Variants in CFAP52 observed in about 807,000 individuals in gnomAD.
CFAP52 encodes cilia and flagella associated protein 52, also known as cilia- and flagella-associated protein 52.
In CFAP52, 57 loss-of-function variants were observed where a neutral mutation model predicts 70.5. The observed-to-expected ratio is 0.81, with a 90% confidence interval of 0.65 to 1.01. The LOEUF (loss-of-function observed/expected upper bound fraction) is 1.01, where lower values mean the gene tolerates loss of function less well. Among genes scored for constraint, CFAP52 ranks in the 50% least tolerant of loss-of-function variants. The probability of loss-of-function intolerance (pLI) is 0.00; values close to 1 mark genes in which losing one functional copy is unlikely to be tolerated. For missense variants in CFAP52, 785 were observed against 788.5 expected, an observed-to-expected ratio of 1.00 and a Z score of 0.05; for synonymous variants, 267 against 292.5, an observed-to-expected ratio of 0.91 and a Z score of 0.89.
chr17:9,644,498 T>TCTTC (rs1264385674), downstream of CFAP52, among the ~76,000 whole-genome samples: 1 of 151,992 alleles, frequency 6.6e-6, no homozygotes, highest in African/African-American at 2.4e-5. Flanking sequence ...GGTGCTGATC[T>TCTTC]CTTCCTGAGC....
chr17:9,578,865 G>A (rs531440318), intron 1 of CFAP52, among the ~76,000 whole-genome samples: 1 of 152,138 alleles, frequency 6.6e-6, no homozygotes, highest in Non-Finnish European at 1.5e-5. Context: ...AGGGGTGCAT[G>A]GCCTTAGGTC....
rs780399162 is a variant in CFAP52 at position 9,585,890 on chromosome 17, A to AAGC, written c.188_189insAGC (p.His63delinsGlnAla). 620 of 1,613,772 alleles carry AAGC rather than the reference A, an allele frequency of 3.8e-4. 1 individual carries two copies. Among genetic ancestry groups the AAGC allele is most frequent in the Non-Finnish European group, 4.0e-4 (473 of 1,179,932 alleles). On this transcript the variant is annotated protein_altering_variant, in exon 2 of 14. Coordinates refer to ENST00000352665, the MANE Select transcript of CFAP52 (RefSeq NM_145054.5). The stretch of plus-strand genomic sequence containing the variant: ...AAAGAGCAGAACTTCCTACAGGGTC[A>AAGC]TGGCAACAACGTCTCCTGCTTGGCC...
Position 9,635,506 on chromosome 17 carries a change from G to C in CFAP52, c.1422G>C (p.Glu474Asp), listed in dbSNP as rs1383529817. 4 of 1,614,078 alleles carry C rather than the reference G, an allele frequency of 2.5e-6. No homozygotes were observed. The highest frequency in any genetic ancestry group is 3.4e-6 in the Non-Finnish European group (4 of 1,180,044). ...VSCIRVKRNN[E>D]ECVTASTDGT... The stretch of plus-strand genomic sequence containing the variant: ...GCATTAGGGTGAAGAGGAACAACGA[G>C]GAGTGTGTCACCGCCAGCACCGATG... Residue 474 changes from glutamate (E) to aspartate (D), a missense_variant, in exon 11 of 14, where the codon GAG becomes GAC. Physicochemically the swap from Glu to Asp is conservative, Grantham distance 45. Coordinates refer to ENST00000352665, the MANE Select transcript of CFAP52 (RefSeq NM_145054.5).
rs770267271 is a variant in CFAP52, at chr17:9,643,146, G to C, written c.1811G>C (p.Ser604Thr). Residue 604 changes from serine (S) to threonine (T), a missense_variant, in exon 14 of 14, where the codon AGT becomes ACT. Ser to Thr is a moderately conservative substitution (Grantham distance 58). Coordinates refer to ENST00000352665, the MANE Select transcript of CFAP52 (RefSeq NM_145054.5). ...RISPGNQYIV[S>T]VSADGAILRW... The stretch of plus-strand genomic sequence containing the variant: ...AGTCCAGGAAATCAATATATTGTTA[G>C]TGTAAGTGCCGATGGAGCCATTTTG... The C allele has an allele frequency of 6.2e-7, 1 of 1,613,292 alleles. No homozygotes were observed. The highest frequency in any genetic ancestry group is 8.5e-7 in the Non-Finnish European group (1 of 1,179,732).
intron 1 of CFAP52, among the ~76,000 whole-genome samples, chr17:9,582,381 T>A (rs1908264199): frequency 6.6e-6 from 1 of 152,236 alleles, no homozygotes; most frequent in South Asian, 2.1e-4. Context: ...ATTTCGGACA[T>A]AATTTACATT....
At chr17:9,596,055 G>GTGTGTGTGTGTA (rs1567623893) in intron 4 of CFAP52, among the ~76,000 whole-genome samples, 13 of 90,458 alleles carry the variant, frequency 1.4e-4, no homozygotes, top group Non-Finnish European at 2.4e-4. Context: ...ATATATATGT[G>GTGTGTGTGTGTA]TGTGTATATA....
chr17:9,597,336 T>G (rs1464057253), intron 4 of CFAP52, among the ~76,000 whole-genome samples: 1 of 152,160 alleles, frequency 6.6e-6, no homozygotes, highest in Non-Finnish European at 1.5e-5. Context: ...TCGTAATATA[T>G]TGTATACTTG....
chr17:9,614,120 T>TCTTTTC (rs1029741673), intron 8 of CFAP52, among the ~76,000 whole-genome samples: 2 of 151,784 alleles, frequency 1.3e-5, no homozygotes, highest in South Asian at 2.1e-4. Context: ...TGCATCTCTT[T>TCTTTTC]CTTTTCCTTT....
chr17:9,638,696 C>A lies in CFAP52; in HGVS notation c.1560C>A (p.Ser520Arg). Residue 520 changes from serine (S) to arginine (R), a missense_variant, in exon 12 of 14, where the codon AGC (serine) becomes AGA (arginine). Coordinates refer to ENST00000352665, the MANE Select transcript of CFAP52 (RefSeq NM_145054.5). Reference sequence around the variant, plus strand: ...CTGAGGAGTTCCAGATCATCACCAGCGGAACAGACAGAAAGGTGAGTCCTC... The same window carrying A: ...CTGAGGAGTTCCAGATCATCACCAGAGGAACAGACAGAAAGGTGAGTCCTC... ...YHPEEFQIIT[S>R]GTDRKIAYWE... 1 of 1,614,018 alleles carries A rather than the reference C, an allele frequency of 6.2e-7. No individual in the cohort carries two copies. Among genetic ancestry groups the A allele is most frequent in the African/African-American group, 1.3e-5 (1 of 75,026 alleles).
chr17:9,608,921 G>A (rs753851171), intron 7 of CFAP52, among the ~76,000 whole-genome samples: 9 of 152,170 alleles, frequency 5.9e-5, no homozygotes, highest in Non-Finnish European at 1.0e-4. Context: ...TACCAGACAA[G>A]ATAGGATATT....
Position 9,637,593 on chromosome 17 carries a change from G to C in CFAP52, c.1473-1016G>C, listed in dbSNP as rs75387012. Among the ~76,000 whole-genome samples, 459 of 152,302 alleles carry C rather than the reference G, an allele frequency of 3.0e-3. 5 individuals are homozygous for C. Among genetic ancestry groups the C allele is most frequent in the Middle Eastern group, 0.01 (3 of 294 alleles). ...TATGCACATAAAAATCAACTGAAAT[G>C]CTGGTTTAAAATGCAGATCCTGGCC... On this transcript the variant is annotated intron_variant, in intron 11 of 13. Coordinates refer to ENST00000352665, the MANE Select transcript of CFAP52 (RefSeq NM_145054.5).
intron 9 of CFAP52, among the ~76,000 whole-genome samples, chr17:9,630,568 T>C (rs1407761563): frequency 6.7e-6 from 1 of 148,706 alleles, no homozygotes; most frequent in East Asian, 2.2e-4. Flanking sequence ...TAGCTGGGAC[T>C]ACAGGCGCCC....
chr17:9,599,041 T>G (rs938604510), intron 5 of CFAP52, among the ~76,000 whole-genome samples: 2 of 152,206 alleles, frequency 1.3e-5, no homozygotes, highest in African/African-American at 4.8e-5. Flanking sequence ...TAAAGAGAAA[T>G]TATTAATATA....
At chr17:9,604,259 G>T (rs1715566673) in intron 6 of CFAP52, among the ~76,000 whole-genome samples, 1 of 152,094 alleles carries the variant, frequency 6.6e-6, no homozygotes, top group Non-Finnish European at 1.5e-5. Context: ...ACCCATGAAA[G>T]AAAGAATTGA....
intron 1 of CFAP52, among the ~76,000 whole-genome samples, chr17:9,579,681 C>T (rs1393226964): frequency 2.0e-5 from 3 of 152,172 alleles, no homozygotes; most frequent in African/African-American, 7.2e-5. Context: ...GATTCTCCTG[C>T]CTCAGCCTCC....
At chr17:9,636,035 G>A (rs1181430111) in intron 11 of CFAP52, among the ~76,000 whole-genome samples, 4 of 151,942 alleles carry the variant, frequency 2.6e-5, no homozygotes, top group African/African-American at 4.8e-5. Context: ...TTAGCTGGGC[G>A]TGGCGGCAGG....
At position 9,643,172 on chromosome 17, in the gene CFAP52, C is replaced by T. The variant is rs755961824; in HGVS notation, c.1837C>T (p.Arg613Ter). The T allele has an allele frequency of 3.9e-5, 63 of 1,611,384 alleles. No individual in the cohort carries two copies. Among genetic ancestry groups the T allele is most frequent in the East Asian group, 1.3e-4 (6 of 44,798 alleles). ...VSVSADGAILRWKYPYTS is the reference protein window; with the variant it reads ...VSVSADGAIL ...TGTAAGTGCCGATGGAGCCATTTTG[C>T]GATGGAAGTACCCATATACCTCCTG... The change falls in exon 14 of 14, where the codon CGA becomes TGA. Residue 613 changes from arginine (R) to a stop codon, truncating the protein, a stop_gained. Transcript: ENST00000352665. LOFTEE classifies it high-confidence loss of function.
At chr17:9,631,055 A>AC (rs1491283889) in intron 9 of CFAP52, among the ~76,000 whole-genome samples, 2 of 109,572 alleles carry the variant, frequency 1.8e-5, no homozygotes, top group African/African-American at 7.8e-5. Context: ...AGAGAGAGAG[A>AC]AAGAAAGAAA....
chr17:9,577,529 C>T (rs1439207630), intron 1 of CFAP52, among the ~76,000 whole-genome samples: 2 of 152,174 alleles, frequency 1.3e-5, no homozygotes, highest in Admixed American at 6.5e-5. Flanking sequence ...AGAAGCAAAA[C>T]TTTTCAAAAA....
Sources: allele counts gnomAD v4.1 joint callset (sites outside exome capture counted in the v4.1 genomes callset), GRCh38; gene constraint gnomAD v4.1.1; transcripts MANE v1.5; gene names NCBI Gene and HGNC (gene_info 2026-07-23, HGNC 2026-07-21).